CCDC170: variants seen among roughly 807,000 people sequenced by gnomAD.
CCDC170 encodes coiled-coil domain containing 170.
Under a neutral mutation model 72.6 loss-of-function variants are expected in CCDC170, and 69 were observed. That is an observed-to-expected ratio of 0.95 (90% CI 0.78 to 1.16). CCDC170 has a LOEUF of 1.16. Among genes scored for constraint, CCDC170 ranks in the 50% most tolerant of loss-of-function variants. The pLI, the probability that CCDC170 is intolerant of heterozygous loss-of-function variation, is 0.00. For synonymous variants in CCDC170, 300 were observed against 303.9 expected (o/e 0.99, Z 0.13); for missense variants, 852 against 832.5 (o/e 1.02, Z -0.29).
At chr6:151,611,154 C>T (rs117730398) in intron 9 of CCDC170, among the ~76,000 whole-genome samples, 2,474 of 152,122 alleles carry the variant, frequency 0.016, 32 homozygotes, top group Non-Finnish European at 0.023. Context: ...CGTGCGCCTG[C>T]AGTCCAGCTA....
At chr6:151,597,856 G>A (rs1017173549) in intron 9 of CCDC170, among the ~76,000 whole-genome samples, 1 of 152,210 alleles carries the variant, frequency 6.6e-6, no homozygotes, top group Non-Finnish European at 1.5e-5. Context: ...CTGGCTCTTT[G>A]CAGACAATGC....
chr6:151,502,758 T>G (rs2115019143), intron 1 of CCDC170, among the ~76,000 whole-genome samples: 1 of 152,344 alleles, frequency 6.6e-6, no homozygotes, highest in Admixed American at 6.5e-5. Context: ...AAACATTTAT[T>G]GAGTCTTAGG....
chr6:151,604,242 C>T (rs900195), intron 9 of CCDC170, among the ~76,000 whole-genome samples: 74,154 of 151,978 alleles, frequency 0.49, 21,066 homozygotes, highest in Non-Finnish European at 0.65. Context: ...TCCAACCCAA[C>T]GAGTATAGCC....
intron 1 of CCDC170, among the ~76,000 whole-genome samples, chr6:151,530,639 A>T (rs1782480068): frequency 6.6e-6 from 1 of 151,966 alleles, no homozygotes; most frequent in Non-Finnish European, 1.5e-5. Flanking sequence ...ACTGGGTTTC[A>T]CCATGTTGGT....
chr6:151,562,389 A>T (rs979122867), intron 5 of CCDC170, among the ~76,000 whole-genome samples: 1 of 151,904 alleles, frequency 6.6e-6, no homozygotes, highest in African/African-American at 2.4e-5. Context: ...CTTCTTTTTT[A>T]AATTCTTTTT....
At chr6:151,596,921 G>C (rs1463676432) in intron 9 of CCDC170, among the ~76,000 whole-genome samples, 3 of 152,136 alleles carry the variant, frequency 2.0e-5, no homozygotes, top group Non-Finnish European at 4.4e-5. Flanking sequence ...CCTCTTCCTG[G>C]GTTCAAGCGA....
chr6:151,593,264 A>C lies in CCDC170; in HGVS notation c.1451A>C (p.His484Pro). The change falls in exon 8 of 11, where the codon CAC becomes CCC. Residue 484 changes from histidine to proline, a missense_variant. His to Pro is a moderately conservative substitution (Grantham distance 77). Transcript: ENST00000239374. Reference protein sequence around the residue: ...NAVIENKTIAHNLQRKLKTQK... With the variant: ...NAVIENKTIAPNLQRKLKTQK... ...GTCATTGAGAACAAGACCATTGCCC[A>C]CAATTTGCAGAGAAAGGTAGGAGAT... 3.7e-6 allele frequency: 6 copies of C among 1,613,800 alleles called. No individual in the cohort carries two copies. Among genetic ancestry groups the C allele is most frequent in the Non-Finnish European group, 5.1e-6 (6 of 1,179,724 alleles).
At chr6:151,527,847 A>T (rs1031973673) in intron 1 of CCDC170, among the ~76,000 whole-genome samples, 1 of 152,100 alleles carries the variant, frequency 6.6e-6, no homozygotes, top group African/African-American at 2.4e-5. Flanking sequence ...TAAGAATGGA[A>T]TGGATTTAGG....
At chr6:151,615,300 A>T (rs1222000241) in intron 9 of CCDC170, 143 bp from the exon 10 acceptor site, 1 of 696,384 alleles carries the variant, frequency 1.4e-6, no homozygotes, top group Non-Finnish European at 2.5e-6. Context: ...GCTTAGCAAA[A>T]TCTCTAACTG....
At position 151,617,965 on chromosome 6, in the gene CCDC170, G is replaced by T. The variant is rs549368772; in HGVS notation, c.1966G>T (p.Val656Leu). 42 of 1,613,632 alleles carry T rather than the reference G, an allele frequency of 2.6e-5. No homozygotes were observed. Among genetic ancestry groups the T allele is most frequent in the Non-Finnish European group, 3.5e-5 (41 of 1,179,770 alleles). Residue 656 changes from valine to leucine, a missense_variant, in exon 11 of 11, where the codon GTG becomes TTG. Physicochemically the swap from Val to Leu is conservative, Grantham distance 32. Transcript: ENST00000239374. ...ATTGCAGCTGGCAGACTTCAGGGAG[G>T]TGGTGTCGCAGATGCTAGGCTTGAA... ...REKQLADFRE[V>L]VSQMLGLNVT...
intron 5 of CCDC170, among the ~76,000 whole-genome samples, chr6:151,566,145 T>C (rs1299067787): frequency 6.6e-6 from 1 of 152,226 alleles, no homozygotes; most frequent in African/African-American, 2.4e-5. Flanking sequence ...GAGTTGATGA[T>C]GTCATTGGGA....
intron 4 of CCDC170, among the ~76,000 whole-genome samples, chr6:151,546,491 G>A (rs940473029): frequency 1.3e-5 from 2 of 151,964 alleles, no homozygotes; most frequent in African/African-American, 4.8e-5. Context: ...TGACTTCCGG[G>A]GTCTTGCTGA....
intron 1 of CCDC170, among the ~76,000 whole-genome samples, chr6:151,502,504 C>T (rs1269546554): frequency 6.6e-6 from 1 of 152,182 alleles, no homozygotes; most frequent in Non-Finnish European, 1.5e-5. Context: ...TTAAGGCCAT[C>T]ATAGTCTAAC....
At chr6:151,596,186 A>G (rs1776618804) in intron 8 of CCDC170, 149 bp from the exon 9 acceptor site, 1 of 983,128 alleles carries the variant, frequency 1.0e-6, no homozygotes, top group Non-Finnish European at 1.4e-6. Flanking sequence ...TAAAAAATGC[A>G]ATCAGGAAAA....
intron 9 of CCDC170, among the ~76,000 whole-genome samples, chr6:151,608,247 T>C (rs1776815605): frequency 6.6e-6 from 1 of 152,212 alleles, no homozygotes. Flanking sequence ...CATTGAATTA[T>C]CTCTTTTATT....
At chr6:151,526,246 G>A (rs62444275) in intron 1 of CCDC170, among the ~76,000 whole-genome samples, 69,059 of 148,318 alleles carry the variant, frequency 0.47, 18,353 homozygotes, top group Non-Finnish European at 0.6. Context: ...TTTTTGAGAT[G>A]GCGTCTCTCT....
At chr6:151,522,410 A>G (rs113642220) in intron 1 of CCDC170, among the ~76,000 whole-genome samples, 1,962 of 152,224 alleles carry the variant, frequency 0.013, 21 homozygotes, top group Non-Finnish European at 0.022. Context: ...CTTCCTTGTA[A>G]AGGAACCTTT....
rs187352053 is a variant in CCDC170 at position 151,558,089 on chromosome 6, C to G, written c.774+9600C>G. Among the ~76,000 whole-genome samples, 109 of 152,218 alleles carry G rather than the reference C, an allele frequency of 7.2e-4. 1 individual carries two copies. The highest frequency in any genetic ancestry group is 2.4e-3 in the African/African-American group (100 of 41,536). On this transcript the variant is annotated intron_variant, in intron 5 of 10. Coordinates refer to ENST00000239374, the MANE Select transcript of CCDC170 (RefSeq NM_025059.4). ...ACTCCAACCTGGTGACAGATCGAGA[C>G]TCTATCTTAAATAAATAAATAAATA...
intron 5 of CCDC170, among the ~76,000 whole-genome samples, chr6:151,562,898 C>T (rs1250701375): frequency 6.6e-6 from 1 of 152,082 alleles, no homozygotes; most frequent in Non-Finnish European, 1.5e-5. Context: ...TGCTTTTCGC[C>T]CTGAGCCAGC....
Sources: gnomAD v4.1 joint callset for allele counts (sites outside exome capture counted in the v4.1 genomes callset) on GRCh38, gnomAD v4.1.1 for gene constraint, MANE v1.5 for transcripts, NCBI Gene and HGNC (gene_info 2026-07-23, HGNC 2026-07-21) for gene names.